The following TGFA variants were observed in gnomAD, a reference collection of about 807,000 sequenced individuals.
The protein encoded by TGFA is transforming growth factor alpha, also known as protransforming growth factor alpha.
TGFA carries 12 observed loss-of-function variants against 21.7 expected under a neutral mutation model. That is an observed-to-expected ratio of 0.55 (90% confidence interval 0.35 to 0.90). The LOEUF (loss-of-function observed/expected upper bound fraction) is 0.90. Among genes scored for constraint, TGFA ranks in the 40% least tolerant of loss-of-function variants. The pLI is 0.01. For missense variants in TGFA, 178 were observed against 210.8 expected (o/e 0.84, Z 0.96); for synonymous variants, 79 against 88.1 (o/e 0.90, Z 0.58).
chr2:70,456,927 T>C (rs1380870713), intron 3 of TGFA, among the ~76,000 whole-genome samples: 2 of 152,228 alleles, frequency 1.3e-5, no homozygotes, highest in African/African-American at 4.8e-5. Flanking sequence ...GGCTTGTGGT[T>C]TGCCTTTTTA....
chr2:70,496,549 C>A (rs890752142), intron 2 of TGFA, among the ~76,000 whole-genome samples: 2 of 152,184 alleles, frequency 1.3e-5, no homozygotes, highest in African/African-American at 4.8e-5. Flanking sequence ...GGCAGACAAA[C>A]CTGAGAGCAA....
chr2:70,499,895 CTG>C (rs1411296602), intron 2 of TGFA, among the ~76,000 whole-genome samples: 33 of 152,296 alleles, frequency 2.2e-4, no homozygotes, highest in African/African-American at 7.7e-4. Context: ...GGTTCTAAAA[CTG>C]TGAAATAAAC....
intron 4 of TGFA, among the ~76,000 whole-genome samples, chr2:70,456,136 G>A (rs1316843061): frequency 2.6e-5 from 4 of 152,234 alleles, no homozygotes; most frequent in Non-Finnish European, 5.9e-5. Context: ...CTGGGGATCC[G>A]CCCAGGATGC....
At chr2:70,542,397 TAGG>T (rs1673159469) in intron 1 of TGFA, among the ~76,000 whole-genome samples, 1 of 152,128 alleles carries the variant, frequency 6.6e-6, no homozygotes, top group African/African-American at 2.4e-5. Flanking sequence ...TCTCAGCGCC[TAGG>T]AGAATTGTTT....
At chr2:70,553,563 T>C in intron 1 of TGFA, 165 bp downstream of exon 1, 1 of 1,331,162 alleles carries the variant, frequency 7.5e-7, no homozygotes, top group Non-Finnish European at 9.6e-7. Flanking sequence ...CTCTTTGTCA[T>C]TCTTAATGAC....
intron 2 of TGFA, among the ~76,000 whole-genome samples, chr2:70,490,106 A>G (rs1298718694): frequency 6.6e-6 from 1 of 152,252 alleles, no homozygotes; most frequent in African/African-American, 2.4e-5. Context: ...CTGGTCTAGT[A>G]TACACACAAA....
chr2:70,505,318 T>C (rs1468149172), intron 2 of TGFA, among the ~76,000 whole-genome samples: 1 of 152,194 alleles, frequency 6.6e-6, no homozygotes, highest in African/African-American at 2.4e-5. Flanking sequence ...CCCTGGGAAA[T>C]TGCCCACAAT....
chr2:70,525,371 A>G (rs1553502842), intron 1 of TGFA, among the ~76,000 whole-genome samples: 1 of 152,120 alleles, frequency 6.6e-6, no homozygotes, highest in African/African-American at 2.4e-5. Context: ...CCCCATTGCT[A>G]ATCCCCACTG....
At chr2:70,491,873 A>G (rs1671448837) in intron 2 of TGFA, among the ~76,000 whole-genome samples, 2 of 152,340 alleles carry the variant, frequency 1.3e-5, no homozygotes, top group African/African-American at 4.8e-5. Context: ...ATAGAGTAAG[A>G]GTGCATAAAA....
rs116361304 is a variant in TGFA at position 70,451,915 on chromosome 2, A to G, written c.476-1049T>C. On this transcript the variant is annotated intron_variant, in intron 5 of 5. Coordinates refer to ENST00000295400, the MANE Select transcript of TGFA (RefSeq NM_003236.4). ...CTTCCTAAGACCACTGTAAGGCTGA[A>G]TGGATTTGCATCCTCAAGAGCTGTG... 2.4e-3 allele frequency among the ~76,000 whole-genome samples: 361 copies of G among 152,272 alleles called. 3 individuals are homozygous for G. The highest frequency in any genetic ancestry group is 8.1e-3 in the African/African-American group (338 of 41,566).
intron 1 of TGFA, among the ~76,000 whole-genome samples, chr2:70,536,994 TTTTC>T (rs1437695575): frequency 9.2e-4 from 115 of 125,266 alleles, no homozygotes; most frequent in Middle Eastern, 4.4e-3. Context: ...TTCTTTTTCT[TTTTC>T]TTTTTTTTTT....
At chr2:70,502,625 G>C (rs1052412116) in intron 2 of TGFA, among the ~76,000 whole-genome samples, 6 of 152,254 alleles carry the variant, frequency 3.9e-5, no homozygotes, top group African/African-American at 1.2e-4. Flanking sequence ...CAGCTGATCT[G>C]TTCTTTAAGT....
intron 2 of TGFA, among the ~76,000 whole-genome samples, chr2:70,472,640 C>T (rs973936458): frequency 2.6e-5 from 4 of 152,212 alleles, no homozygotes; most frequent in Admixed American, 2.0e-4. Context: ...CTCCCAACAG[C>T]CCTGCTCCCC....
intron 1 of TGFA, among the ~76,000 whole-genome samples, chr2:70,546,063 A>C (rs1272066762): frequency 6.6e-6 from 1 of 152,212 alleles, no homozygotes; most frequent in Non-Finnish European, 1.5e-5. Context: ...GTTAAATCTA[A>C]CTTACAGTGT....
chr2:70,507,775 G>T (rs1671973001), intron 2 of TGFA, among the ~76,000 whole-genome samples: 1 of 152,304 alleles, frequency 6.6e-6, no homozygotes, highest in Non-Finnish European at 1.5e-5. Context: ...CTCTTTTGAA[G>T]ATGGTAGATG....
chr2:70,453,072 A>C, intron 5 of TGFA, 146 bp downstream of exon 5: 1 of 723,718 alleles, frequency 1.4e-6, no homozygotes, highest in African/African-American at 1.8e-5. Context: ...CTATGAATAA[A>C]CTAAACCTGA....
At chr2:70,541,027 G>A (rs1240926518) in intron 1 of TGFA, among the ~76,000 whole-genome samples, 2 of 152,084 alleles carry the variant, frequency 1.3e-5, no homozygotes, top group Non-Finnish European at 2.9e-5. Flanking sequence ...AAGTATAAAC[G>A]TGCACAGCTT....
rs1319969847 is a variant in TGFA, at chr2:70,449,927, A to G, written c.*932T>C. ...CACACACACTCTTCCTCTCTCCCCA[A>G]CAGAGGGGACAGATCCCTGCTGATG... On this transcript the variant is annotated 3_prime_UTR_variant, in exon 6 of 6. Coordinates refer to ENST00000295400, the MANE Select transcript of TGFA (RefSeq NM_003236.4). 2.0e-5 allele frequency: 3 copies of G among 152,432 alleles called. No individual in the cohort carries two copies. Among genetic ancestry groups the G allele is most frequent in the Admixed American group, 1.3e-4 (2 of 15,278 alleles). The allele number at this position is 152,432 out of a possible 1,614,324, so 9.4% of individuals were successfully genotyped here. A position where few individuals can be genotyped will look rare whatever the true frequency, so the allele number is the denominator to read the frequency against.
chr2:70,504,017 A>T (rs558856039), intron 2 of TGFA, among the ~76,000 whole-genome samples: 2 of 152,300 alleles, frequency 1.3e-5, no homozygotes, highest in African/African-American at 4.8e-5. Context: ...GGAAACATCT[A>T]TTTGTGACCA....
Sources: gnomAD v4.1 joint callset for allele counts (sites outside exome capture counted in the v4.1 genomes callset) on GRCh38, gnomAD v4.1.1 for gene constraint, MANE v1.5 for transcripts, NCBI Gene and HGNC (gene_info 2026-07-23, HGNC 2026-07-21) for gene names.